The following DENND2C variants were observed in gnomAD, a reference collection of about 807,000 sequenced individuals.
DENND2C encodes the protein DENN domain containing 2C, also known as DENN domain-containing protein 2C.
Under a neutral mutation model 112.4 loss-of-function variants are expected in DENND2C, and 72 were observed. The observed-to-expected ratio is 0.64, with a 90% CI of 0.53 to 0.78. The LOEUF (loss-of-function observed/expected upper bound fraction) is 0.78, where lower values mean the gene tolerates loss of function less well. Ranked by LOEUF, DENND2C falls within the 30% of genes least tolerant of loss-of-function variation. The pLI, the probability that DENND2C is intolerant of heterozygous loss-of-function variation, is 0.00. For missense variants in DENND2C, 992 were observed against 1,113.8 expected (o/e 0.89, Z 1.56); for synonymous variants, 329 against 381.6 (o/e 0.86, Z 1.61).
At chr1:114,598,843 C>T (rs899094092) in intron 16 of DENND2C, among the ~76,000 whole-genome samples, 3 of 151,960 alleles carry the variant, frequency 2.0e-5, no homozygotes, top group African/African-American at 4.8e-5. Context: ...CACCATGCCT[C>T]GCTAATTTTT....
intron 18 of DENND2C, among the ~76,000 whole-genome samples, chr1:114,591,111 A>G (rs1465104761): frequency 1.3e-5 from 2 of 151,982 alleles, no homozygotes; most frequent in African/African-American, 4.8e-5. Flanking sequence ...GACTACAGGC[A>G]CACATCAACA....
At chr1:114,618,300 A>C (rs1180296279) in intron 8 of DENND2C, 86 bp downstream of exon 8, 1 of 1,017,772 alleles carries the variant, frequency 9.8e-7, no homozygotes, top group Non-Finnish European at 1.4e-6. Flanking sequence ...AAAATTTTTA[A>C]TACACATCAA....
intron 11 of DENND2C, among the ~76,000 whole-genome samples, chr1:114,604,263 G>C (rs962559645): frequency 6.6e-6 from 1 of 152,112 alleles, no homozygotes; most frequent in Non-Finnish European, 1.5e-5. Flanking sequence ...CATGTGATAC[G>C]GTTCAATGAA....
At chr1:114,658,668 A>G (rs989370368) in intron 1 of DENND2C, among the ~76,000 whole-genome samples, 11 of 152,058 alleles carry the variant, frequency 7.2e-5, no homozygotes, top group African/African-American at 2.4e-4. Flanking sequence ...GCAAAAAATA[A>G]TGAAAGATAT....
At position 114,621,882 on chromosome 1, in the gene DENND2C, C is replaced by T. The variant is rs1006646630; in HGVS notation, c.1227+13G>A. ...AAGTAAGAGTCAAAGAATGAAAGCA[C>T]TGGAGTCTTTACCCTTGGAAGATTT... On this transcript the variant is annotated intron_variant, in intron 7 of 20. Transcript: ENST00000393274. The T allele has an allele frequency of 1.9e-6, 3 of 1,550,432 alleles. No homozygotes were observed. The South Asian group carries it at 3.6e-5, about 18-fold the overall frequency.
chr1:114,608,392 AT>A (rs1227311313), intron 10 of DENND2C, among the ~76,000 whole-genome samples: 1 of 152,246 alleles, frequency 6.6e-6, no homozygotes, highest in African/African-American at 2.4e-5. Context: ...CACATTTATT[AT>A]TCCCCTCCTT....
rs370366211 is a variant in DENND2C, at chr1:114,587,803, C to T, written c.2581G>A (p.Val861Ile). ...ATGAAGAGATCCAGGAAGTGGCGTA[C>T]ACTTCGGGAGGTGTGGGACTTACGG... ...PFRKSHTSRS[V>I]RHFLDLFMET... Residue 861 changes from valine (V) to isoleucine (I), a missense_variant, in exon 19 of 21, where the codon GTA becomes ATA. Around this residue, in one of 3 missense-constraint regions of DENND2C, gnomAD observed 516 missense variants for 623.6 expected, o/e 0.83. Coordinates refer to ENST00000393274, the MANE Select transcript of DENND2C (RefSeq NM_001256404.2). 3.7e-6 allele frequency: 6 copies of T among 1,613,960 alleles called. No homozygotes were observed. Among genetic ancestry groups the T allele is most frequent in the Non-Finnish European group, 5.1e-6 (6 of 1,180,038 alleles).
At chr1:114,589,384 C>A (rs1412957807) in intron 18 of DENND2C, among the ~76,000 whole-genome samples, 1 of 152,184 alleles carries the variant, frequency 6.6e-6, no homozygotes, top group African/African-American at 2.4e-5. Flanking sequence ...GCTAGCAGGG[C>A]TGACCAGGTG....
chr1:114,623,488 C>A lies in DENND2C; in HGVS notation c.943+19G>T, dbSNP rs1656243040. The A allele has an allele frequency of 1.3e-6, 2 of 1,595,184 alleles. No individual in the cohort carries two copies. The highest frequency in any genetic ancestry group is 1.4e-5 in the African/African-American group (1 of 74,056). ...AATATATAATCACTAAATTTAACTG[C>A]AAAGTTGTCAACACCTACATATGAT... On this transcript the variant is annotated intron_variant, in intron 5 of 20. Coordinates refer to ENST00000393274, the MANE Select transcript of DENND2C (RefSeq NM_001256404.2).
intron 10 of DENND2C, among the ~76,000 whole-genome samples, chr1:114,605,265 A>G (rs1218817369): frequency 6.6e-6 from 1 of 152,244 alleles, no homozygotes; most frequent in East Asian, 1.9e-4. Flanking sequence ...TTTACTTAGA[A>G]ATGGTATCTG....
intron 1 of DENND2C, among the ~76,000 whole-genome samples, chr1:114,658,849 G>A (rs1482177011): frequency 6.6e-6 from 1 of 151,512 alleles, no homozygotes; most frequent in Non-Finnish European, 1.5e-5. Context: ...AGACCAGCCT[G>A]AGCAACATAG....
At chr1:114,618,143 C>T (rs1354620495) in intron 8 of DENND2C, among the ~76,000 whole-genome samples, 1 of 152,102 alleles carries the variant, frequency 6.6e-6, no homozygotes, top group African/African-American at 2.4e-5. Flanking sequence ...CGCCCGCCAC[C>T]ACGCCTGGCT....
At chr1:114,624,439 C>T (rs890084035) in intron 4 of DENND2C, among the ~76,000 whole-genome samples, 1 of 150,568 alleles carries the variant, frequency 6.6e-6, no homozygotes, top group African/African-American at 2.4e-5. Flanking sequence ...AGGAACACAT[C>T]ACTACACCTG....
intron 3 of DENND2C, among the ~76,000 whole-genome samples, chr1:114,631,265 A>T (rs1196311319): frequency 6.6e-6 from 1 of 152,074 alleles, no homozygotes; most frequent in Non-Finnish European, 1.5e-5. Context: ...AATCCCAGCT[A>T]CTGGGGTGGC....
At chr1:114,593,982 A>G (rs1655268226) in intron 18 of DENND2C, among the ~76,000 whole-genome samples, 2 of 152,252 alleles carry the variant, frequency 1.3e-5, no homozygotes, top group South Asian at 4.1e-4. Context: ...CATTTATTTA[A>G]CAAGTATTTA....
intron 17 of DENND2C, 170 bp downstream of exon 17, chr1:114,595,662 T>C: frequency 1.8e-6 from 1 of 570,814 alleles, no homozygotes; most frequent in South Asian, 2.3e-5. Flanking sequence ...TGAAGCCAAA[T>C]TTTTCAGGTC....
chr1:114,651,276 T>C (rs12065403), intron 2 of DENND2C, among the ~76,000 whole-genome samples: 21 of 139,344 alleles, frequency 1.5e-4, no homozygotes, highest in Admixed American at 2.9e-4. Flanking sequence ...TCCCTACACA[T>C]ACACACACAC....
chr1:114,605,948 T>TA (rs1394346024), intron 10 of DENND2C, among the ~76,000 whole-genome samples: 1 of 152,250 alleles, frequency 6.6e-6, no homozygotes, highest in Non-Finnish European at 1.5e-5. Context: ...ACTGTACTTA[T>TA]ATGACAGTCT....
Position 114,625,559 on chromosome 1 carries a change from G to A in DENND2C, c.426C>T (p.Asn142=). 1 of 1,614,170 alleles carries A rather than the reference G, an allele frequency of 6.2e-7. No homozygotes were observed. Among genetic ancestry groups the A allele is most frequent in the Non-Finnish European group, 8.5e-7 (1 of 1,180,018 alleles). Residue 142 remains asparagine (N), a synonymous_variant, in exon 4 of 21, where the codon AAC becomes AAT. Coordinates refer to ENST00000393274, the MANE Select transcript of DENND2C (RefSeq NM_001256404.2). The part of the protein sequence containing the change: ...LDPETSLPPG[N]FYTSQILWKK... Reference sequence around the variant, plus strand: ...TCCACAGTATTTGTGAGGTATAGAAGTTTCCTGGAGGTAATGAAGTCTCTG... The same window carrying A: ...TCCACAGTATTTGTGAGGTATAGAAATTTCCTGGAGGTAATGAAGTCTCTG...
Sources: allele counts gnomAD v4.1 joint callset (sites outside exome capture counted in the v4.1 genomes callset), GRCh38; gene constraint gnomAD v4.1.1; regional missense constraint gnomAD v4.1.1; transcripts MANE v1.5; gene names NCBI Gene and HGNC (gene_info 2026-07-23, HGNC 2026-07-21).